ZFHX3: variants seen among roughly 807,000 people sequenced by gnomAD.
ZFHX3 encodes zinc finger homeobox 3.
A neutral mutation model predicts 279.1 loss-of-function variants in ZFHX3; 42 were observed. The ratio of observed to expected loss-of-function variants is 0.15; its 90% confidence interval spans 0.12 to 0.19. ZFHX3 has a LOEUF of 0.19. Among genes scored for constraint, ZFHX3 ranks in the 10% least tolerant of loss-of-function variants. ZFHX3 has a pLI of 1.00. For missense variants in ZFHX3, 4,981 were observed against 4,754.0 expected, an observed-to-expected ratio of 1.05 and a Z score of -1.40; for synonymous variants, 2,293 against 1,957.8, an observed-to-expected ratio of 1.17 and a Z score of -4.52.
chr16:73,888,179 G>A (rs1030750300), intron 1 of ZFHX3, among the ~76,000 whole-genome samples: 5 of 152,118 alleles, frequency 3.3e-5, no homozygotes, highest in African/African-American at 1.2e-4. Context: ...TAATGCTCAC[G>A]TCAGGAATGA....
intron 1 of ZFHX3, among the ~76,000 whole-genome samples, chr16:73,818,299 G>A (rs1156460094): frequency 6.6e-6 from 1 of 152,188 alleles, no homozygotes; most frequent in Non-Finnish European, 1.5e-5. Context: ...GGGAAAAAGG[G>A]AAAACCTGGC....
At chr16:73,758,567 T>G (rs1478474500) in intron 1 of ZFHX3, among the ~76,000 whole-genome samples, 1 of 152,216 alleles carries the variant, frequency 6.6e-6, no homozygotes, top group African/African-American at 2.4e-5. Flanking sequence ...TTGTTGGGGA[T>G]AGCCCACCCA....
At chr16:72,951,095 A>T in intron 2 of ZFHX3, 130 bp from the exon 3 acceptor site, 1 of 1,308,564 alleles carries the variant, frequency 7.6e-7, no homozygotes, top group Non-Finnish European at 1.0e-6. Flanking sequence ...CAAGTGTTGC[A>T]AAGGGCTACT....
intron 5 of ZFHX3, among the ~76,000 whole-genome samples, chr16:73,190,920 T>C (rs1344175727): frequency 4.6e-5 from 7 of 151,986 alleles, no homozygotes; most frequent in Admixed American, 3.9e-4. Context: ...GGATTTTTTT[T>C]TTTTTGTAAA....
chr16:73,100,970 C>A (rs1966224326), intron 7 of ZFHX3, among the ~76,000 whole-genome samples: 1 of 152,160 alleles, frequency 6.6e-6, no homozygotes, highest in Non-Finnish European at 1.5e-5. Flanking sequence ...CACCTGACTG[C>A]TGCTTTCTGC....
chr16:73,288,742 A>C (rs1244186434), intron 4 of ZFHX3, among the ~76,000 whole-genome samples: 2 of 152,120 alleles, frequency 1.3e-5, no homozygotes, highest in African/African-American at 4.8e-5. Context: ...CCGAGAGCCA[A>C]GATTATGTCT....
intron 4 of ZFHX3, among the ~76,000 whole-genome samples, chr16:73,281,747 A>T (rs1008441162): frequency 2.0e-5 from 3 of 152,224 alleles, no homozygotes; most frequent in African/African-American, 7.2e-5. Flanking sequence ...AACTGATCAA[A>T]AGGTATATAT....
Position 73,225,132 on chromosome 16 carries a change from T to C in ZFHX3, c.-1104+31915A>G, listed in dbSNP as rs186264219. ...ATGCATACATGTTAAAATTAAAAAA[T>C]TATTAGTGTACTGCCAAGTCTTGTC... is the stretch of plus-strand genomic sequence containing the variant. On this transcript the variant is annotated intron_variant, in intron 5 of 17. Coordinates refer to the ZFHX3 transcript ENST00000641206. 3.3e-4 allele frequency among the ~76,000 whole-genome samples: 50 copies of C among 152,278 alleles called. 1 individual carries two copies. Among genetic ancestry groups the C allele is most frequent in the Non-Finnish European group, 6.2e-4 (42 of 68,018 alleles).
intron 1 of ZFHX3, among the ~76,000 whole-genome samples, chr16:73,808,304 G>A (rs1360152457): frequency 6.6e-6 from 1 of 152,222 alleles, no homozygotes; most frequent in African/African-American, 2.4e-5. Context: ...ATTTCATTTT[G>A]GTAGAGAAAG....
intron 2 of ZFHX3, among the ~76,000 whole-genome samples, chr16:73,678,057 G>A (rs2052972466): frequency 6.6e-6 from 1 of 152,058 alleles, no homozygotes; most frequent in Non-Finnish European, 1.5e-5. Flanking sequence ...AGAAAATTTT[G>A]TAAGAGAAGA....
chr16:73,603,300 A>T (rs1442389540), intron 2 of ZFHX3, among the ~76,000 whole-genome samples: 1 of 141,106 alleles, frequency 7.1e-6, no homozygotes, highest in Admixed American at 6.7e-5. Context: ...AAAAAAAGAA[A>T]GAAAAGAAAA....
intron 2 of ZFHX3, among the ~76,000 whole-genome samples, chr16:73,585,604 AC>A (rs1431126593): frequency 6.6e-6 from 1 of 152,180 alleles, no homozygotes; most frequent in East Asian, 1.9e-4. Flanking sequence ...AGAACTTAAA[AC>A]AAAAACAAAA....
At chr16:73,346,196 T>A (rs1465756652) in intron 3 of ZFHX3, among the ~76,000 whole-genome samples, 1 of 152,118 alleles carries the variant, frequency 6.6e-6, no homozygotes, top group African/African-American at 2.4e-5. Flanking sequence ...AGTGTGATGA[T>A]CCAATGGATA....
At chr16:73,853,146 A>G (rs1196783893) in intron 1 of ZFHX3, among the ~76,000 whole-genome samples, 3 of 152,226 alleles carry the variant, frequency 2.0e-5, no homozygotes. Context: ...ATGCCAGTTA[A>G]AATGGTTATT....
At chr16:72,960,282 T>A in intron 1 of ZFHX3, 88 bp from the exon 2 acceptor site, 2 of 1,089,846 alleles carry the variant, frequency 1.8e-6, no homozygotes, top group Non-Finnish European at 2.5e-6. Flanking sequence ...GCTGAGGTCC[T>A]ACCGCACGGA....
At chr16:73,264,424 C>A (rs939111683) in intron 4 of ZFHX3, among the ~76,000 whole-genome samples, 7 of 152,030 alleles carry the variant, frequency 4.6e-5, no homozygotes, top group African/African-American at 1.7e-4. Flanking sequence ...TCTTTTACAA[C>A]TTTCCCCACA....
chr16:73,168,954 C>CTT (rs1465710426), intron 5 of ZFHX3, among the ~76,000 whole-genome samples: 5 of 152,170 alleles, frequency 3.3e-5, no homozygotes, highest in African/African-American at 7.2e-5. Flanking sequence ...CATTTTCTCC[C>CTT]TTATCTGCGA....
chr16:73,403,855 G>A (rs953260786), intron 3 of ZFHX3, among the ~76,000 whole-genome samples: 1 of 152,156 alleles, frequency 6.6e-6, no homozygotes, highest in Non-Finnish European at 1.5e-5. Flanking sequence ...AGGAAGGATC[G>A]GCAAATTTGC....
At chr16:72,894,941 A>G (rs2038861626) in intron 3 of ZFHX3, among the ~76,000 whole-genome samples, 1 of 151,860 alleles carries the variant, frequency 6.6e-6, no homozygotes, top group Non-Finnish European at 1.5e-5. Flanking sequence ...ATTCCTACCT[A>G]CTCTCCTTTG....
Sources: gnomAD v4.1 joint callset for allele counts (sites outside exome capture counted in the v4.1 genomes callset) on GRCh38, gnomAD v4.1.1 for gene constraint, MANE v1.5 for transcripts, NCBI Gene and HGNC (gene_info 2026-07-23, HGNC 2026-07-21) for gene names.